Variants in RADIL observed in about 807,000 individuals in gnomAD.
RADIL encodes the protein ras-associating and dilute domain-containing protein.
RADIL carries 99 observed loss-of-function variants against 97.6 expected under a neutral mutation model. The observed-to-expected ratio is 1.01, with a 90% CI of 0.86 to 1.20. The LOEUF is 1.20. Ranked by LOEUF, RADIL falls within the 50% of genes most tolerant of loss-of-function variation. RADIL has a pLI of 0.00. For synonymous variants in RADIL, 803 were observed against 691.8 expected (o/e 1.16, Z -2.52); for missense variants, 1,765 against 1,498.9 (o/e 1.18, Z -2.93).
chr7:4,828,276 T>C (rs1305563816), intron 5 of RADIL, among the ~76,000 whole-genome samples: 1 of 152,178 alleles, frequency 6.6e-6, no homozygotes, highest in Non-Finnish European at 1.5e-5. Flanking sequence ...TGGGCCAACA[T>C]AGTGAAATTC....
chr7:4,814,910 C>T lies in RADIL; in HGVS notation c.2139+368G>A, dbSNP rs994783282. On this transcript the variant is annotated intron_variant, in intron 9 of 14. Transcript: ENST00000399583. The surrounding 1 kb of genome is among the most constrained non-coding windows in gnomAD (Gnocchi z 4.5). ...CTCCAGCCTCAGAGCCACATCCCCT[C>T]TTCTTCTGTTTCTCTCTGACCTTCT... Among the ~76,000 whole-genome samples the T allele has an allele frequency of 3.3e-5, 5 of 152,200 alleles. No homozygotes were observed. The highest frequency in any genetic ancestry group is 9.7e-5 in the African/African-American group (4 of 41,444).
In RADIL at chr7:4,854,761, C is replaced by T. The variant is rs187243975; in HGVS notation, c.536-18156G>A. On this transcript the variant is annotated intron_variant, in intron 2 of 14. Coordinates refer to ENST00000399583, the MANE Select transcript of RADIL (RefSeq NM_018059.5). The surrounding 1 kb of genome is among the most constrained non-coding windows in gnomAD (Gnocchi z 5.1). The stretch of plus-strand genomic sequence containing the variant: ...ATTGGTTGTTTAATTATATTTCACA[C>T]ATATGAAAGCATTTGTAACTTAGAC... Among the ~76,000 whole-genome samples the T allele has an allele frequency of 5.8e-4, 88 of 152,278 alleles. No homozygotes were observed. Among genetic ancestry groups the T allele is most frequent in the Non-Finnish European group, 4.0e-4 (27 of 68,020 alleles).
At chr7:4,852,182 AAC>A (rs1783725589) in intron 2 of RADIL, among the ~76,000 whole-genome samples, 1 of 152,172 alleles carries the variant, frequency 6.6e-6, no homozygotes, top group Admixed American at 6.5e-5. Context: ...GACTGAAGGG[AAC>A]AGAGACACTG....
chr7:4,801,073 C>A (rs774528272), intron 12 of RADIL, among the ~76,000 whole-genome samples: 3 of 151,976 alleles, frequency 2.0e-5, no homozygotes, highest in Non-Finnish European at 4.4e-5. Flanking sequence ...CATGCCCATG[C>A]ACACGTGCAC....
chr7:4,816,492 A>T (rs757412880), intron 7 of RADIL, 27 bp from the exon 8 acceptor site: 1 of 1,575,640 alleles, frequency 6.3e-7, no homozygotes, highest in South Asian at 1.1e-5. Context: ...GAGAACAGCA[A>T]CCAGCATTTC....
Position 4,836,507 on chromosome 7 carries a change from G to A in RADIL, c.634C>T (p.Arg212Cys), listed in dbSNP as rs762208707. 4.0e-5 allele frequency: 64 copies of A among 1,606,724 alleles called. No individual in the cohort carries two copies. Among genetic ancestry groups the A allele is most frequent in the Middle Eastern group, 1.7e-4 (1 of 6,056 alleles). ...AGGCTGGTCTCACTGACTGTGCGGC[G>A]CAACCGGGGTGGAGGAGAGCTCCGG... ...DARSSPPPRL[R>C]RTVSETSLSP... The change falls in exon 3 of 15, where the codon CGC becomes TGC. Residue 212 changes from arginine to cysteine, a missense_variant. Arg to Cys is a radical substitution (Grantham distance 180). Coordinates refer to ENST00000399583, the MANE Select transcript of RADIL (RefSeq NM_018059.5).
intron 11 of RADIL, among the ~76,000 whole-genome samples, 170 bp from the exon 12 acceptor site, chr7:4,802,165 C>T (rs1349162619): frequency 6.6e-6 from 1 of 152,156 alleles, no homozygotes; most frequent in East Asian, 1.9e-4. Context: ...AGGGGCTTCC[C>T]CGCCATCCGG....
chr7:4,831,480 A>G (rs895089690), intron 5 of RADIL, among the ~76,000 whole-genome samples: 3 of 151,618 alleles, frequency 2.0e-5, no homozygotes, highest in African/African-American at 7.3e-5. Context: ...ACAAGCCCGC[A>G]CGACATAAGT....
chr7:4,827,106 T>C (rs1783003895), intron 5 of RADIL, among the ~76,000 whole-genome samples: 2 of 152,316 alleles, frequency 1.3e-5, no homozygotes, highest in South Asian at 2.1e-4. Context: ...GGCTCATGCC[T>C]GTCATCCCAG....
chr7:4,827,445 A>G (rs1484203567), intron 5 of RADIL, among the ~76,000 whole-genome samples: 1 of 151,620 alleles, frequency 6.6e-6, no homozygotes, highest in Non-Finnish European at 1.5e-5. Flanking sequence ...GGGTCACCAG[A>G]GGTCAGGCGA....
At position 4,840,892 on chromosome 7, in the gene RADIL, A is replaced by C. The variant is rs1196795558; in HGVS notation, c.536-4287T>G. On this transcript the variant is annotated intron_variant, in intron 2 of 14. Coordinates refer to ENST00000399583, the MANE Select transcript of RADIL (RefSeq NM_018059.5). This position sits in a 1 kb window ranked among gnomAD's most constrained non-coding sequence, Gnocchi z 5.6. The stretch of plus-strand genomic sequence containing the variant: ...TGAGGCAGGAGAATGGCTTGAACCC[A>C]GGAGGTGGAGGTTGCAGTGACCTGA... Among the ~76,000 whole-genome samples, 1 of 152,162 alleles carries C rather than the reference A, an allele frequency of 6.6e-6. No individual in the cohort carries two copies. The highest frequency in any genetic ancestry group is 1.5e-5 in the Non-Finnish European group (1 of 68,024).
chr7:4,860,216 T>C (rs1296332215), intron 2 of RADIL: 2 of 1,614,030 alleles, frequency 1.2e-6, no homozygotes, highest in East Asian at 4.5e-5. Flanking sequence ...AGACATGCTG[T>C]TTTCACAGCC....
intron 2 of RADIL, among the ~76,000 whole-genome samples, chr7:4,874,256 C>G (rs983832242): frequency 6.6e-6 from 1 of 152,236 alleles, no homozygotes; most frequent in Non-Finnish European, 1.5e-5. Flanking sequence ...CCACAACAAC[C>G]GAACACACTC....
chr7:4,811,427 G>A (rs1782541635), intron 9 of RADIL: 1 of 149,824 alleles, frequency 6.7e-6, no homozygotes, highest in Non-Finnish European at 1.5e-5. Flanking sequence ...GTGAGGTAGG[G>A]TTTCCTCTTT....
In RADIL at chr7:4,819,352, G is replaced by A. The variant is rs146805188; in HGVS notation, c.1616-2001C>T. ...CTCCCAAAGTGCGGGGAGGACAGGT[G>A]TGAGCCCAGCCCTGAGACTCCATTT... On this transcript the variant is annotated intron_variant, in intron 6 of 14. Transcript: ENST00000399583. The surrounding 1 kb of genome is among the most constrained non-coding windows in gnomAD (Gnocchi z 5.8). 0.011 allele frequency among the ~76,000 whole-genome samples: 1,685 copies of A among 151,638 alleles called. 29 individuals are homozygous for A. The highest frequency in any genetic ancestry group is 0.038 in the African/African-American group (1,591 of 41,368).
chr7:4,857,072 G>T (rs1783851237), intron 2 of RADIL, among the ~76,000 whole-genome samples: 1 of 152,132 alleles, frequency 6.6e-6, no homozygotes, highest in South Asian at 2.1e-4. Flanking sequence ...TTAATGAAAG[G>T]CTGTTTTGAA....
chr7:4,861,749 T>C (rs1292153070), intron 2 of RADIL: 2 of 1,506,058 alleles, frequency 1.3e-6, no homozygotes, highest in Non-Finnish European at 1.8e-6. Flanking sequence ...GGAGACGCCG[T>C]AGCGATTCGG....
chr7:4,802,926 GTCCCCTCCCC>G (rs1782158819), intron 11 of RADIL, among the ~76,000 whole-genome samples: 1 of 99,422 alleles, frequency 1.0e-5, no homozygotes, highest in African/African-American at 5.8e-5. Flanking sequence ...TGCTGGCTGG[GTCCCCTCCCC>G]GGGCACCTCG....
intron 2 of RADIL, among the ~76,000 whole-genome samples, chr7:4,868,068 GT>G (rs932228759): frequency 6.0e-5 from 9 of 149,828 alleles, no homozygotes; most frequent in Admixed American, 2.0e-4. Context: ...AATGAACTGT[GT>G]TTTTTTTTTC....
Sources: allele counts gnomAD v4.1 joint callset (sites outside exome capture counted in the v4.1 genomes callset), GRCh38; gene constraint gnomAD v4.1.1; non-coding constraint Gnocchi (gnomAD v3.1); transcripts MANE v1.5; gene names NCBI Gene and HGNC (gene_info 2026-07-23, HGNC 2026-07-21).